The following ZNF317 variants were observed in gnomAD, a reference collection of about 807,000 sequenced individuals.
ZNF317 encodes the protein KRAB-containing zinc finger protein 317.
In ZNF317, 17 loss-of-function variants were observed where a neutral mutation model predicts 23.4. The ratio of observed to expected loss-of-function variants is 0.73; its 90% CI spans 0.50 to 1.09. The LOEUF is 1.09. Among genes scored for constraint, ZNF317 ranks in the 50% least tolerant of loss-of-function variants. The pLI is 0.00. For missense variants in ZNF317, 679 were observed against 796.7 expected (o/e 0.85, Z 1.78); for synonymous variants, 317 against 314.9 (o/e 1.01, Z -0.07).
Position 9,160,245 on chromosome 19 carries a change from G to A in ZNF317, c.600G>A (p.Gly200=). The change falls in exon 7 of 7, where the codon GGG becomes GGA. Residue 200 remains glycine (G), a synonymous_variant. Transcript: ENST00000247956. The surrounding 1 kb of genome is among the most constrained non-coding windows in gnomAD (Gnocchi z 6.8). The part of the protein sequence containing the change: ...GKRPYHRRDY[G]VAFKGRPHLT... ...GGCCCTATCACCGCCGCGACTATGG[G>A]GTAGCGTTCAAGGGCAGGCCGCACC... The A allele has an allele frequency of 6.2e-7, 1 of 1,614,146 alleles. No individual in the cohort carries two copies. The highest frequency in any genetic ancestry group is 2.2e-5 in the East Asian group (1 of 44,872).
intron 1 of ZNF317, among the ~76,000 whole-genome samples, 178 bp from the exon 2 acceptor site, chr19:9,155,747 C>T (rs901910562): frequency 1.3e-5 from 2 of 152,174 alleles, no homozygotes; most frequent in Non-Finnish European, 2.9e-5. Context: ...GGGGCTGTCC[C>T]CCCACCACAT....
At chr19:9,151,220 T>C (rs2050733194) in intron 1 of ZNF317, among the ~76,000 whole-genome samples, 1 of 152,154 alleles carries the variant, frequency 6.6e-6, no homozygotes, top group African/African-American at 2.4e-5. Flanking sequence ...AAAGGCACAA[T>C]GACTAGAAAA....
intron 1 of ZNF317, among the ~76,000 whole-genome samples, chr19:9,143,745 C>CCT (rs59104999): frequency 0.1 from 14,745 of 143,980 alleles, 843 homozygotes; most frequent in African/African-American, 0.16. Context: ...TCTGTCCCCC[C>CCT]TTTTTTTTTT....
At chr19:9,158,185 C>G in intron 5 of ZNF317, 110 bp downstream of exon 5, 2 of 1,347,700 alleles carry the variant, frequency 1.5e-6, no homozygotes, top group Middle Eastern at 2.7e-4. Context: ...AGAGATGCTC[C>G]TTCCCTCTTT....
At chr19:9,156,799 A>T in intron 3 of ZNF317, 51 bp downstream of exon 3, 1 of 1,591,226 alleles carries the variant, frequency 6.3e-7, no homozygotes. Context: ...TTCCTGGAAG[A>T]CCCCACCAGT....
intron 6 of ZNF317, among the ~76,000 whole-genome samples, chr19:9,159,514 T>G (rs1316854687): frequency 4.0e-5 from 6 of 151,500 alleles, no homozygotes; most frequent in Admixed American, 3.9e-4. Context: ...AATTCAGTGG[T>G]TTTTGTTTGT....
At chr19:9,156,183 C>A in intron 2 of ZNF317, 142 bp downstream of exon 2, 2 of 1,026,500 alleles carry the variant, frequency 1.9e-6, no homozygotes, top group Non-Finnish European at 2.9e-6. Flanking sequence ...AGAGCCCCAG[C>A]AGCCACCCCA....
chr19:9,155,500 G>T (rs1054741734), intron 1 of ZNF317, among the ~76,000 whole-genome samples: 2 of 152,162 alleles, frequency 1.3e-5, no homozygotes, highest in Non-Finnish European at 2.9e-5. Flanking sequence ...TGGCCCAAGG[G>T]TGTATATGTT....
rs2050850336 is a variant in ZNF317, at chr19:9,161,123, T to G, written c.1478T>G (p.Met493Arg). ...GACTATTTATCCCGGCGGAGGCACATGAGCGTTCACCTTGTAAAGAAACGA... is the reference window on the plus strand; with the variant it reads ...GACTATTTATCCCGGCGGAGGCACAGGAGCGTTCACCTTGTAAAGAAACGA... ...FGDYLSRRRHMSVHLVKKRVE... is the reference protein window; with the variant it reads ...FGDYLSRRRHRSVHLVKKRVE... The change falls in exon 7 of 7, where the codon ATG (methionine) becomes AGG (arginine). Residue 493 changes from methionine (M) to arginine (R), a missense_variant. Coordinates refer to ENST00000247956, the MANE Select transcript of ZNF317 (RefSeq NM_020933.5). The surrounding 1 kb of genome is among the most constrained non-coding windows in gnomAD (Gnocchi z 4.0). 1 of 1,614,154 alleles carries G rather than the reference T, an allele frequency of 6.2e-7. No individual in the cohort carries two copies. The highest frequency in any genetic ancestry group is 2.2e-5 in the East Asian group (1 of 44,860).
rs1287181772 is a variant in ZNF317, at chr19:9,161,327, T to C, written c.1682T>C (p.Leu561Pro). The part of the protein sequence containing the change: ...IHTGEKPYEC[L>P]VCGKAFSDHS... ...ACCGGGGAGAAGCCCTACGAATGCCTTGTCTGCGGGAAAGCCTTCAGCGAC... is the reference window on the plus strand; with the variant it reads ...ACCGGGGAGAAGCCCTACGAATGCCCTGTCTGCGGGAAAGCCTTCAGCGAC... The change falls in exon 7 of 7, where the codon CTT becomes CCT. Residue 561 changes from leucine to proline, a missense_variant. By Grantham distance (98) the Leu-to-Pro change is moderately conservative. Coordinates refer to ENST00000247956, the MANE Select transcript of ZNF317 (RefSeq NM_020933.5). This position sits in a 1 kb window ranked among gnomAD's most constrained non-coding sequence, Gnocchi z 4.0. The C allele has an allele frequency of 3.1e-6, 5 of 1,613,256 alleles. No individual in the cohort carries two copies. Among genetic ancestry groups the C allele is most frequent in the African/African-American group, 1.3e-5 (1 of 74,684 alleles).
At chr19:9,147,816 T>G (rs1236288077) in intron 1 of ZNF317, among the ~76,000 whole-genome samples, 1 of 152,176 alleles carries the variant, frequency 6.6e-6, no homozygotes, top group Non-Finnish European at 1.5e-5. Context: ...TGATACAGTT[T>G]GGATGTGTAT....
intron 6 of ZNF317, among the ~76,000 whole-genome samples, chr19:9,159,754 C>G (rs1312308409): frequency 6.6e-6 from 1 of 152,074 alleles, no homozygotes; most frequent in African/African-American, 2.4e-5. Context: ...ACCATGTTAG[C>G]CAGGCTGGTC....
In ZNF317 at chr19:9,158,889, C is replaced by T. The variant is rs780336125; in HGVS notation, c.449C>T (p.Thr150Met). The stretch of plus-strand genomic sequence containing the variant: ...ATGGAAGATATTTTTGGGAAGGAAA[C>T]GCCCAGTGGTGTGACGATGGTAAGA... ...LLMEDIFGKETPSGVTMERAG... is the reference protein window; with the variant it reads ...LLMEDIFGKEMPSGVTMERAG... The change falls in exon 6 of 7, where the codon ACG becomes ATG. Residue 150 changes from threonine (T) to methionine (M), a missense_variant. Coordinates refer to ENST00000247956, the MANE Select transcript of ZNF317 (RefSeq NM_020933.5). The T allele has an allele frequency of 2.1e-5, 34 of 1,611,286 alleles. No homozygotes were observed. The highest frequency in any genetic ancestry group is 3.3e-5 in the Admixed American group (2 of 59,996).
chr19:9,147,532 G>A (rs1463079094), intron 1 of ZNF317, among the ~76,000 whole-genome samples: 1 of 151,760 alleles, frequency 6.6e-6, no homozygotes, highest in Non-Finnish European at 1.5e-5. Flanking sequence ...AGTAGAGATG[G>A]GGTTTCACCA....
At chr19:9,159,759 C>G (rs2050826594) in intron 6 of ZNF317, among the ~76,000 whole-genome samples, 1 of 152,108 alleles carries the variant, frequency 6.6e-6, no homozygotes. Context: ...GTTAGCCAGG[C>G]TGGTCTCGAA....
chr19:9,160,884 C>A lies in ZNF317; in HGVS notation c.1239C>A (p.Ile413=). 1 of 1,614,032 alleles carries A rather than the reference C, an allele frequency of 6.2e-7. No individual in the cohort carries two copies. Among genetic ancestry groups the A allele is most frequent in the Non-Finnish European group, 8.5e-7 (1 of 1,180,000 alleles). The change falls in exon 7 of 7, where the codon ATC becomes ATA. Residue 413 remains isoleucine (I), a synonymous_variant. Transcript: ENST00000247956. This position sits in a 1 kb window ranked among gnomAD's most constrained non-coding sequence, Gnocchi z 6.8. ...GGAGGAAACACATGAGGATTCACAT[C>A]GTCAAGAAACCCGTGGAATGTCGGC... ...VSRRKHMRIH[I]VKKPVECRQC... is the part of the protein sequence containing the mutation.
At chr19:9,158,944 C>T in intron 6 of ZNF317, 36 bp downstream of exon 6, 2 of 1,488,694 alleles carry the variant, frequency 1.3e-6, no homozygotes, top group African/African-American at 1.4e-5. Context: ...GATCTTCCTT[C>T]CACGTCTGAG....
rs751449887 is a variant in ZNF317 at position 9,156,745 on chromosome 19, C to T, written c.159C>T (p.Ser53=). The part of the protein sequence containing the change: ...GLEPHTPSVG[S]QESVTFQDVA... ...AGCCTCACACACCCAGTGTTGGTTC[C>T]CAGGTGCACTAAGATCTCTGGGTCC... The change falls in exon 3 of 7, where the codon TCC becomes TCT. Residue 53 remains serine, a synonymous_variant. Coordinates refer to ENST00000247956, the MANE Select transcript of ZNF317 (RefSeq NM_020933.5). 1 of 1,613,640 alleles carries T rather than the reference C, an allele frequency of 6.2e-7. No homozygotes were observed. Among genetic ancestry groups the T allele is most frequent in the South Asian group, 1.1e-5 (1 of 91,022 alleles).
At position 9,140,552 on chromosome 19, in the gene ZNF317, G is replaced by A. The variant is rs2050619151; in HGVS notation, c.-133G>A. The A allele has an allele frequency of 6.6e-6, 3 of 456,450 alleles. No homozygotes were observed. Among genetic ancestry groups the A allele is most frequent in the Non-Finnish European group, 1.3e-5 (3 of 226,936 alleles). The allele number at this position is 456,450 out of a possible 1,614,324, so 28.3% of individuals were successfully genotyped here. ...TGAACTTCTCTTCGCATCGGCGGCG[G>A]CTTCCGTCACCTCCGCTCCCCCGAT... is the stretch of plus-strand genomic sequence containing the variant. On this transcript the variant is annotated 5_prime_UTR_variant, in exon 1 of 7. Transcript: ENST00000247956.
Sources: allele counts gnomAD v4.1 joint callset (sites outside exome capture counted in the v4.1 genomes callset), GRCh38; gene constraint gnomAD v4.1.1; non-coding constraint Gnocchi (gnomAD v3.1); transcripts MANE v1.5; gene names NCBI Gene and HGNC (gene_info 2026-07-23, HGNC 2026-07-21).